Variants in TM4SF5 observed in about 807,000 individuals in gnomAD.
TM4SF5 encodes transmembrane 4 L6 family member 5.
Under a neutral mutation model 22.3 loss-of-function variants are expected in TM4SF5, and 16 were observed. The observed-to-expected ratio is 0.72, with a 90% CI of 0.49 to 1.09. The LOEUF is 1.09. Ranked by LOEUF, TM4SF5 falls within the 50% of genes least tolerant of loss-of-function variation. The pLI is 0.00. For synonymous variants in TM4SF5, 113 were observed against 109.6 expected, an observed-to-expected ratio of 1.03 and a Z score of -0.19; for missense variants, 249 against 266.1, an observed-to-expected ratio of 0.94 and a Z score of 0.45.
chr17:4,781,151 A>AAAG (rs1263757708), intron 2 of TM4SF5, among the ~76,000 whole-genome samples: 2 of 107,172 alleles, frequency 1.9e-5, no homozygotes, highest in East Asian at 4.5e-4. Flanking sequence ...AAAAAAAAAA[A>AAAG]AAAAAAAAAG....
At chr17:4,776,546 C>A (rs184668214) in intron 1 of TM4SF5, among the ~76,000 whole-genome samples, 4 of 152,224 alleles carry the variant, frequency 2.6e-5, no homozygotes, top group Non-Finnish European at 5.9e-5. Flanking sequence ...AGGTGATCCG[C>A]CTGCCTCGGC....
intron 1 of TM4SF5, among the ~76,000 whole-genome samples, chr17:4,778,452 A>G (rs946366040): frequency 2.0e-5 from 3 of 151,950 alleles, no homozygotes; most frequent in African/African-American, 7.2e-5. Flanking sequence ...GAACTCTCCA[A>G]AAAAATTAGC....
rs1917334141 is a variant in TM4SF5 at position 4,782,642 on chromosome 17, A to G, written c.395+3A>G. ...GGCTACCACTTCGAAGACACCGCGTAAGGTTTAGCCTGTATTCGTGTCCTC... is the reference window on the plus strand; with the variant it reads ...GGCTACCACTTCGAAGACACCGCGTGAGGTTTAGCCTGTATTCGTGTCCTC... On this transcript the variant is annotated splice_donor_region_variant and intron_variant, in intron 3 of 4. Transcript: ENST00000270560. 1.2e-6 allele frequency: 2 copies of G among 1,613,974 alleles called. No homozygotes were observed. The highest frequency in any genetic ancestry group is 2.7e-5 in the African/African-American group (2 of 74,916).
At chr17:4,774,837 G>A (rs1346420707) in intron 1 of TM4SF5, among the ~76,000 whole-genome samples, 1 of 151,952 alleles carries the variant, frequency 6.6e-6, no homozygotes, top group Non-Finnish European at 1.5e-5. Context: ...AACCCGAGAG[G>A]CGGAGGTTGC....
At chr17:4,779,408 G>T (rs1447799009) in intron 1 of TM4SF5, among the ~76,000 whole-genome samples, 1 of 152,116 alleles carries the variant, frequency 6.6e-6, no homozygotes, top group Non-Finnish European at 1.5e-5. Flanking sequence ...CAGCCTGGGT[G>T]GCAGAGTGAG....
intron 1 of TM4SF5, among the ~76,000 whole-genome samples, chr17:4,778,911 G>T (rs1295188307): frequency 6.6e-6 from 1 of 151,898 alleles, no homozygotes; most frequent in African/African-American, 2.4e-5. Context: ...CAAAAAATTA[G>T]CCCGGCGTGG....
rs1277484989 is a variant in TM4SF5, at chr17:4,783,111, C to T, written c.580-3C>T. 1.2e-6 allele frequency: 2 copies of T among 1,614,168 alleles called. No homozygotes were observed. The highest frequency in any genetic ancestry group is 8.5e-7 in the Non-Finnish European group (1 of 1,180,022). On this transcript the variant is annotated splice_region_variant and splice_polypyrimidine_tract_variant and intron_variant, in intron 4 of 4. Coordinates refer to ENST00000270560, the MANE Select transcript of TM4SF5 (RefSeq NM_003963.3). The stretch of plus-strand genomic sequence containing the variant: ...CTGCGTTCTCACCTTCTCTTTTCCG[C>T]AGGACACACCTCACTGAGGCTCCAC...
At chr17:4,780,348 C>T (rs1917279387) in intron 1 of TM4SF5, among the ~76,000 whole-genome samples, 1 of 152,142 alleles carries the variant, frequency 6.6e-6, no homozygotes, top group South Asian at 2.1e-4. Flanking sequence ...AACCACCGCG[C>T]CCGGCCTCTG....
At position 4,772,116 on chromosome 17, in the gene TM4SF5, G is replaced by C. The variant is rs752447877; in HGVS notation, c.177+17G>C. 1.2e-6 allele frequency: 2 copies of C among 1,614,036 alleles called. No individual in the cohort carries two copies. Among genetic ancestry groups the C allele is most frequent in the Admixed American group, 3.3e-5 (2 of 59,996 alleles). ...GGCCTAATGGTGAGAAGGCTGGCAG[G>C]GGAGCCCGGGCCAGCTGGCTGGGTG... On this transcript the variant is annotated intron_variant, in intron 1 of 4. Transcript: ENST00000270560.
At chr17:4,774,221 TAAAC>T (rs1382378868) in intron 1 of TM4SF5, among the ~76,000 whole-genome samples, 12 of 147,124 alleles carry the variant, frequency 8.2e-5, no homozygotes, top group East Asian at 4.2e-4. Flanking sequence ...CATACATAAA[TAAAC>T]AAATAAATAA....
intron 1 of TM4SF5, among the ~76,000 whole-genome samples, chr17:4,777,206 A>G (rs550034384): frequency 2.6e-5 from 4 of 151,912 alleles, no homozygotes; most frequent in Admixed American, 6.6e-5. Flanking sequence ...CAAAAAAAAA[A>G]AAAAAGAAAA....
intron 1 of TM4SF5, among the ~76,000 whole-genome samples, chr17:4,777,553 C>A (rs1291244311): frequency 6.6e-6 from 1 of 151,960 alleles, no homozygotes; most frequent in South Asian, 2.1e-4. Context: ...CCAGCCTGGG[C>A]AACATAGTGA....
intron 2 of TM4SF5, among the ~76,000 whole-genome samples, chr17:4,781,778 G>T (rs1174185476): frequency 6.6e-6 from 1 of 152,070 alleles, no homozygotes; most frequent in Admixed American, 6.6e-5. Flanking sequence ...GCCTCCCAAA[G>T]TGCTGGGATT....
rs879078702 is a variant in TM4SF5 at position 4,783,181 on chromosome 17, T to G, written c.*53T>G. On this transcript the variant is annotated 3_prime_UTR_variant, in exon 5 of 5. Transcript: ENST00000270560. ...GCTCCTTCCTGGACGCTCACTCCCT[T>G]GCTCGCTAGAATAAACTGCTTTGCG... 3.7e-6 allele frequency: 6 copies of G among 1,611,696 alleles called. No individual in the cohort carries two copies. The highest frequency in any genetic ancestry group is 4.2e-6 in the Non-Finnish European group (5 of 1,178,692).
intron 1 of TM4SF5, among the ~76,000 whole-genome samples, chr17:4,775,007 T>A (rs1225109737): frequency 6.6e-6 from 1 of 152,108 alleles, no homozygotes; most frequent in Admixed American, 6.6e-5. Context: ...ACAGGCTCTA[T>A]GAGGTGATGT....
chr17:4,779,043 G>A (rs922916031), intron 1 of TM4SF5, among the ~76,000 whole-genome samples: 2 of 144,686 alleles, frequency 1.4e-5, no homozygotes, highest in Admixed American at 6.9e-5. Flanking sequence ...GTGACAGAGT[G>A]AGACTCCGTC....
At chr17:4,782,442 G>A in intron 2 of TM4SF5, 61 bp from the exon 3 acceptor site, 2 of 1,597,142 alleles carry the variant, frequency 1.3e-6, no homozygotes, top group Non-Finnish European at 1.7e-6. Context: ...GGCTGGCGCT[G>A]AGCGTCGTCA....
At chr17:4,779,418 G>A (rs1917260055) in intron 1 of TM4SF5, among the ~76,000 whole-genome samples, 1 of 151,934 alleles carries the variant, frequency 6.6e-6, no homozygotes, top group Admixed American at 6.6e-5. Context: ...GGCAGAGTGA[G>A]ACCCTGTTTC....
chr17:4,780,653 A>T (rs1917285002), intron 1 of TM4SF5, 136 bp from the exon 2 acceptor site: 3 of 578,596 alleles, frequency 5.2e-6, no homozygotes, highest in African/African-American at 2.0e-5. Context: ...GCTCCAGGAG[A>T]CGTAGAGATA....
Sources: allele counts gnomAD v4.1 joint callset (sites outside exome capture counted in the v4.1 genomes callset), GRCh38; gene constraint gnomAD v4.1.1; transcripts MANE v1.5; gene names NCBI Gene and HGNC (gene_info 2026-07-23, HGNC 2026-07-21).